EMB: variants seen among roughly 807,000 people sequenced by gnomAD.
The protein encoded by EMB is embigin.
Under a neutral mutation model 41.4 loss-of-function variants are expected in EMB, and 31 were observed. That is an observed-to-expected ratio of 0.75 (90% CI 0.56 to 1.01). EMB has a LOEUF of 1.01. Among genes scored for constraint, EMB ranks in the 50% least tolerant of loss-of-function variants. The probability of loss-of-function intolerance (pLI) is 0.00; values close to 1 mark genes in which losing one functional copy is unlikely to be tolerated. For synonymous variants in EMB, 137 were observed against 140.4 expected (o/e 0.98, Z 0.17); for missense variants, 379 against 388.3 (o/e 0.98, Z 0.20).
intron 2 of EMB, 145 bp downstream of exon 2, chr5:50,427,999 T>A: frequency 3.5e-6 from 2 of 578,832 alleles, no homozygotes; most frequent in Admixed American, 3.4e-5. Context: ...CCACATTAGA[T>A]TCCCAGCTCA....
chr5:50,430,717 T>C (rs1745707643), intron 1 of EMB, among the ~76,000 whole-genome samples: 1 of 152,176 alleles, frequency 6.6e-6, no homozygotes, highest in African/African-American at 2.4e-5. Flanking sequence ...TAACTGACTA[T>C]AGCCAGTATA....
chr5:50,402,901 AG>A (rs1310878448), intron 6 of EMB, among the ~76,000 whole-genome samples: 1 of 116,852 alleles, frequency 8.6e-6, no homozygotes, highest in East Asian at 2.5e-4. Flanking sequence ...AAAAAAAAAG[AG>A]GGGGGTGGTG....
chr5:50,410,216 TCAC>T (rs1274714448), intron 4 of EMB, among the ~76,000 whole-genome samples: 2 of 152,148 alleles, frequency 1.3e-5, no homozygotes, highest in Non-Finnish European at 2.9e-5. Context: ...GGTTCACTAA[TCAC>T]CACAAAATAC....
chr5:50,430,526 G>A lies in EMB; in HGVS notation c.113-2299C>T, dbSNP rs572818198. Among the ~76,000 whole-genome samples the A allele has an allele frequency of 5.3e-5, 8 of 152,118 alleles. No homozygotes were observed. In the South Asian group the frequency reaches 1.7e-3, roughly 32 times the overall value. On this transcript the variant is annotated intron_variant, in intron 1 of 8. Transcript: ENST00000303221. ...ATCTCATGCACACTTGGTACTGATG[G>A]AGAATATGAAGCTGGGCAAACTTGG...
intron 2 of EMB, among the ~76,000 whole-genome samples, chr5:50,427,495 T>TATC (rs1745638272): frequency 6.6e-6 from 1 of 150,544 alleles, no homozygotes; most frequent in Non-Finnish European, 1.5e-5. Flanking sequence ...AAGACATTAT[T>TATC]ATTATTATTA....
chr5:50,415,441 T>C (rs1745413379), intron 2 of EMB, among the ~76,000 whole-genome samples: 1 of 152,222 alleles, frequency 6.6e-6, no homozygotes, highest in Non-Finnish European at 1.5e-5. Context: ...TAAAAAGTTC[T>C]ATCATAAGAA....
intron 2 of EMB, among the ~76,000 whole-genome samples, chr5:50,424,441 A>C (rs1007985282): frequency 2.6e-5 from 4 of 152,168 alleles, no homozygotes; most frequent in Non-Finnish European, 5.9e-5. Flanking sequence ...CCATTCTTAG[A>C]GAGAGGAAGG....
intron 2 of EMB, among the ~76,000 whole-genome samples, chr5:50,416,852 A>C (rs1409926143): frequency 1.3e-5 from 2 of 152,196 alleles, no homozygotes; most frequent in African/African-American, 2.4e-5. Context: ...CCCAGAAGTT[A>C]CCATCCCTTT....
chr5:50,442,550 C>T (rs1440463195), upstream of EMB, among the ~76,000 whole-genome samples: 2 of 152,052 alleles, frequency 1.3e-5, no homozygotes, highest in Non-Finnish European at 2.9e-5. Context: ...AACTGTTTAT[C>T]TGTGAATGAC....
At chr5:50,402,118 T>C (rs1273785800) in intron 7 of EMB, among the ~76,000 whole-genome samples, 168 bp downstream of exon 7, 1 of 151,906 alleles carries the variant, frequency 6.6e-6, no homozygotes, top group African/African-American at 2.4e-5. Context: ...TGAAGAAGAA[T>C]TCTCACGCAG....
At chr5:50,405,657 A>G (rs1745235703) in intron 5 of EMB, 68 bp downstream of exon 5, 1 of 1,527,792 alleles carries the variant, frequency 6.5e-7, no homozygotes, top group African/African-American at 1.4e-5. Context: ...GTCTGTTACA[A>G]TCTTGTTATT....
At chr5:50,437,504 T>G (rs1403791089) in intron 1 of EMB, among the ~76,000 whole-genome samples, 2 of 152,168 alleles carry the variant, frequency 1.3e-5, no homozygotes, top group Non-Finnish European at 2.9e-5. Context: ...CTTTTTAAAT[T>G]TACATCAGTG....
chr5:50,429,122 T>C (rs1298085437), intron 1 of EMB, among the ~76,000 whole-genome samples: 1 of 152,066 alleles, frequency 6.6e-6, no homozygotes, highest in Non-Finnish European at 1.5e-5. Flanking sequence ...TCTCAATCTC[T>C]TAACCTCGTG....
intron 2 of EMB, among the ~76,000 whole-genome samples, chr5:50,422,638 G>A (rs1044840385): frequency 1.3e-5 from 2 of 152,104 alleles, no homozygotes; most frequent in African/African-American, 4.8e-5. Flanking sequence ...GTTAAAAAGT[G>A]AAAGGTGGAA....
chr5:50,398,542 A>G lies in EMB; in HGVS notation c.*731T>C, dbSNP rs1474541472. ...CACCCTAAAACATAAACAATGGTGTACCTTATGAAGTTAAAAACCCTATTT... is the reference window on the plus strand; with the variant it reads ...CACCCTAAAACATAAACAATGGTGTGCCTTATGAAGTTAAAAACCCTATTT... On this transcript the variant is annotated 3_prime_UTR_variant, in exon 9 of 9. Transcript: ENST00000303221. The G allele has an allele frequency of 2.6e-5, 4 of 152,048 alleles. No individual in the cohort carries two copies. The highest frequency in any genetic ancestry group is 1.9e-4 in the East Asian group (1 of 5,170). 9.4% of individuals were successfully genotyped at this position (152,048 alleles called of 1,614,324 possible).
intron 1 of EMB, among the ~76,000 whole-genome samples, chr5:50,440,794 C>A (rs1321892266): frequency 2.6e-5 from 4 of 152,126 alleles, no homozygotes; most frequent in Non-Finnish European, 5.9e-5. Context: ...TCGCGGGGCG[C>A]TGTTCGTTCA....
At chr5:50,407,388 A>T (rs752294162) in intron 4 of EMB, among the ~76,000 whole-genome samples, 55 of 152,102 alleles carry the variant, frequency 3.6e-4, no homozygotes, top group Non-Finnish European at 6.3e-4. Flanking sequence ...CTGAGATTTG[A>T]TGAGGAACAC....
At chr5:50,399,318 T>C (rs751652831) in intron 8 of EMB, 28 bp from the exon 9 acceptor site, 8 of 1,604,922 alleles carry the variant, frequency 5.0e-6, no homozygotes, top group Admixed American at 1.7e-5. Flanking sequence ...TAATCAAATA[T>C]AATTAGTATG....
chr5:50,417,762 A>AT (rs957768974), intron 2 of EMB, among the ~76,000 whole-genome samples: 2 of 152,238 alleles, frequency 1.3e-5, no homozygotes, highest in African/African-American at 2.4e-5. Flanking sequence ...AACTTTTAGA[A>AT]TTTTTTTTAC....
Sources: allele counts gnomAD v4.1 joint callset (sites outside exome capture counted in the v4.1 genomes callset), GRCh38; gene constraint gnomAD v4.1.1; transcripts MANE v1.5; gene names NCBI Gene and HGNC (gene_info 2026-07-23, HGNC 2026-07-21).